Variants in LRTM3 observed in about 807,000 individuals in gnomAD.
The protein encoded by LRTM3 is leucine-rich repeat transmembrane protein 3.
chr13:102,751,927 C>A, the LRTM3 span, among the ~76,000 whole-genome samples: 1 of 152,090 alleles, frequency 6.6e-6, no homozygotes, highest in Non-Finnish European at 1.5e-5. Flanking sequence ...TCAGACAGGC[C>A]TTATTATACC....
chr13:102,745,310 T>G, the LRTM3 span: 2 of 1,550,624 alleles, frequency 1.3e-6, no homozygotes, highest in Non-Finnish European at 1.7e-6. Flanking sequence ...ACTATCTTCA[T>G]GTGGAGATGT....
chr13:102,736,503 A>G, the LRTM3 span: 1 of 1,551,164 alleles, frequency 6.4e-7, no homozygotes, highest in Admixed American at 2.0e-5. Flanking sequence ...CTTGAAGGCA[A>G]TGATTCCTGG....
chr13:102,737,191 T>G, the LRTM3 span: 2 of 1,551,130 alleles, frequency 1.3e-6, no homozygotes, highest in Admixed American at 2.0e-5. Context: ...CTCTATCTAC[T>G]TCTTTCTGTG....
At chr13:102,758,335 TA>T in the LRTM3 span, 1 of 992,466 alleles carries the variant, frequency 1.0e-6, no homozygotes, top group Non-Finnish European at 1.5e-6. Context: ...AATTCAGAAG[TA>T]AAGGCAATTT....
the LRTM3 span, chr13:102,747,733 G>A: frequency 0.64 from 989,411 of 1,550,540 alleles, 324,400 homozygotes; most frequent in Non-Finnish European, 0.67. Context: ...GTCTATCTGT[G>A]CTTTGCTTCA....
the LRTM3 span, chr13:102,730,453 C>T: frequency 1.4e-5 from 22 of 1,551,204 alleles, no homozygotes; most frequent in Non-Finnish European, 1.9e-5. Context: ...TTCTCTGGGT[C>T]CTTAAATCAA....
At chr13:102,748,345 T>C in the LRTM3 span, 1 of 1,551,102 alleles carries the variant, frequency 6.4e-7, no homozygotes, top group Non-Finnish European at 8.7e-7. Flanking sequence ...TTATGGCTTC[T>C]AATTCTTCAC....
chr13:102,732,664 T>C, the LRTM3 span: 4 of 1,551,200 alleles, frequency 2.6e-6, no homozygotes. Flanking sequence ...CCTTTAGAGA[T>C]AGAAGATGCG....
chr13:102,746,274 C>G, the LRTM3 span: 4 of 1,550,944 alleles, frequency 2.6e-6, no homozygotes, highest in Non-Finnish European at 3.5e-6. Flanking sequence ...AGCTGTGGCG[C>G]TGCTTCTAAT....
At chr13:102,736,890 C>A in the LRTM3 span, 1 of 1,551,066 alleles carries the variant, frequency 6.4e-7, no homozygotes, top group South Asian at 1.2e-5. Context: ...TCTGATGATT[C>A]CATGTGCCAT....
the LRTM3 span, chr13:102,730,333 T>C: frequency 3.2e-6 from 5 of 1,551,270 alleles, no homozygotes; most frequent in South Asian, 4.8e-5. Flanking sequence ...TCTCACTTAC[T>C]TCAAGACATG....
At chr13:102,737,274 CT>C in the LRTM3 span, 2 of 1,551,134 alleles carry the variant, frequency 1.3e-6, no homozygotes, top group South Asian at 2.4e-5. Context: ...GCTATTTTCC[CT>C]GCATCAAATG....
chr13:102,734,437 T>C, the LRTM3 span: 5 of 1,551,398 alleles, frequency 3.2e-6, no homozygotes, highest in African/African-American at 4.1e-5. Flanking sequence ...GAATCATACC[T>C]GGTGGTTTAT....
chr13:102,730,342 T>A, the LRTM3 span: 3 of 1,551,178 alleles, frequency 1.9e-6, no homozygotes. Flanking sequence ...CTTCAAGACA[T>A]GAACACTCGT....
At chr13:102,749,954 AG>A in the LRTM3 span, 1 of 1,551,084 alleles carries the variant, frequency 6.4e-7, no homozygotes, top group African/African-American at 1.4e-5. Context: ...TTCTTCCAGA[AG>A]TCTAACTTGA....
At chr13:102,745,976 A>G in the LRTM3 span, 3 of 1,551,100 alleles carry the variant, frequency 1.9e-6, no homozygotes, top group Non-Finnish European at 2.6e-6. Flanking sequence ...ATATGCATTG[A>G]GTATTAAGCC....
the LRTM3 span, chr13:102,739,228 T>C: frequency 6.5e-7 from 1 of 1,550,334 alleles, no homozygotes; most frequent in Non-Finnish European, 8.7e-7. Flanking sequence ...TTCCATGCAG[T>C]AAATGTCTAA....
the LRTM3 span, among the ~76,000 whole-genome samples, chr13:102,753,540 G>A: frequency 6.6e-6 from 1 of 150,630 alleles, no homozygotes; most frequent in Non-Finnish European, 1.5e-5. Context: ...GAGCATGTGA[G>A]GACACAGCAA....
At chr13:102,741,985 C>T in the LRTM3 span, 1 of 1,550,550 alleles carries the variant, frequency 6.4e-7, no homozygotes, top group African/African-American at 1.4e-5. Flanking sequence ...GAATGCTGGA[C>T]ATATCAGTAC....
Sources: gnomAD v4.1 joint callset for allele counts (sites outside exome capture counted in the v4.1 genomes callset) on GRCh38, gnomAD v4.1.1 for gene constraint, MANE v1.5 for transcripts, NCBI Gene and HGNC (gene_info 2026-07-23, HGNC 2026-07-21) for gene names.